DPM2: variants seen among roughly 807,000 people sequenced by gnomAD.
DPM2 encodes the protein dolichol phosphate-mannose biosynthesis regulatory protein.
In DPM2, 8 loss-of-function variants were observed where a neutral mutation model predicts 12.1. That is an observed-to-expected ratio of 0.66 (90% CI 0.39 to 1.19). DPM2 has a LOEUF of 1.19. DPM2 is among the 50% of genes most tolerant of loss of function. The probability of loss-of-function intolerance (pLI) is 0.01; values close to 1 mark genes in which losing one functional copy is unlikely to be tolerated. For synonymous variants in DPM2, 38 were observed against 44.7 expected, an observed-to-expected ratio of 0.85 and a Z score of 0.60; for missense variants, 93 against 102.5, an observed-to-expected ratio of 0.91 and a Z score of 0.40.
At chr9:127,936,251 G>A in intron 3 of DPM2, 1 of 1,422,500 alleles carries the variant, frequency 7.0e-7, no homozygotes, top group Non-Finnish European at 9.2e-7. Context: ...TCCCTAGGAA[G>A]CCATGAGAGA....
intron 2 of DPM2, 49 bp downstream of exon 2, chr9:127,937,385 G>A (rs758653718): frequency 2.0e-6 from 3 of 1,471,198 alleles, no homozygotes; most frequent in Admixed American, 1.8e-5. Context: ...TTGCTCTGGC[G>A]GTGCCAGGGC....
intron 1 of DPM2, 131 bp downstream of exon 1, chr9:127,937,687 G>T: frequency 7.6e-7 from 1 of 1,317,664 alleles, no homozygotes; most frequent in Middle Eastern, 1.8e-4. Context: ...CTAGGCCTCC[G>T]CGTTGTCGTC....
chr9:127,936,067 T>C, intron 3 of DPM2: 2 of 597,538 alleles, frequency 3.3e-6, no homozygotes, highest in South Asian at 4.2e-5. Flanking sequence ...CAACCACTTG[T>C]CTGTCCACCT....
chr9:127,936,715 A>G, intron 2 of DPM2, 60 bp from the exon 3 acceptor site: 1 of 1,401,432 alleles, frequency 7.1e-7, no homozygotes, highest in Non-Finnish European at 9.3e-7. Context: ...CCCAAGCCCA[A>G]ACGTCCCACC....
rs1375188716 is a variant in DPM2, at chr9:127,937,257, A to C, written c.93+177T>G. On this transcript the variant is annotated intron_variant, in intron 2 of 3. Coordinates refer to ENST00000314392, the MANE Select transcript of DPM2 (RefSeq NM_003863.4). ...GGCCAGATCCTTCTCCCCTAGCCTC[A>C]GCTATCTCATCTATAAAATGCGGTA... is the stretch of plus-strand genomic sequence containing the variant. 7.4e-6 allele frequency: 4 copies of C among 537,664 alleles called. No homozygotes were observed. The South Asian group carries it at 1.1e-4, about 15-fold the overall frequency. 33.3% of individuals were successfully genotyped at this position (537,664 alleles called of 1,614,324 possible). A position where few individuals can be genotyped will look rare whatever the true frequency, so the allele number is the denominator to read the frequency against.
At chr9:127,936,256 G>C in intron 3 of DPM2, 1 of 1,412,064 alleles carries the variant, frequency 7.1e-7, no homozygotes, top group Non-Finnish European at 9.3e-7. Context: ...AGGAAGCCAT[G>C]AGAGAGAGAG....
rs888225633 is a variant in DPM2, at chr9:127,937,367, T to G, written c.93+67A>C. 18 of 1,242,982 alleles carry G rather than the reference T, an allele frequency of 1.4e-5. No homozygotes were observed. In the Admixed American group the frequency reaches 2.1e-4, roughly 15 times the overall value. 77.0% of individuals were successfully genotyped at this position (1,242,982 alleles called of 1,614,324 possible). A position where few individuals can be genotyped will look rare whatever the true frequency, so the allele number is the denominator to read the frequency against. ...AAGCCAGCGCCGTGCCTAGAGCCTATATAGTAGTTGCTCTGGCGGTGCCAG... is the reference window on the plus strand; with the variant it reads ...AAGCCAGCGCCGTGCCTAGAGCCTAGATAGTAGTTGCTCTGGCGGTGCCAG... On this transcript the variant is annotated intron_variant, in intron 2 of 3. Transcript: ENST00000314392.
rs368292094 is a variant in DPM2 at position 127,935,170 on chromosome 9, G to A, written c.*552C>T. ...CCTGGGGCTTTGGGGCTGGGCCTCC[G>A]TGAGGAGAGGTCAGTCGGTCAGCGG... On this transcript the variant is annotated 3_prime_UTR_variant, in exon 4 of 4. Transcript: ENST00000314392. 9 of 169,120 alleles carry A rather than the reference G, an allele frequency of 5.3e-5. No individual in the cohort carries two copies. Among genetic ancestry groups the A allele is most frequent in the Admixed American group, 3.8e-4 (6 of 15,952 alleles). 10.5% of individuals were successfully genotyped at this position (169,120 alleles called of 1,614,324 possible). A position where few individuals can be genotyped will look rare whatever the true frequency, so the allele number is the denominator to read the frequency against.
Position 127,935,769 on chromosome 9 carries a change from A to T in DPM2, c.208T>A (p.Ser70Thr). 1 of 1,613,186 alleles carries T rather than the reference A, an allele frequency of 6.2e-7. No individual in the cohort carries two copies. The highest frequency in any genetic ancestry group is 8.5e-7 in the Non-Finnish European group (1 of 1,179,190). Residue 70 changes from serine to threonine, a missense_variant, in exon 4 of 4, where the codon TCC becomes ACC. Ser to Thr is a moderately conservative substitution (Grantham distance 58, BLOSUM62 1). Transcript: ENST00000314392. ...LLLLFVGLFI[S>T]YVMLKTKRVT... ...CTCTTGGTCTTCAGCATCACATAGGAGATGAACAGTCCTGGGATACACAGA... is the reference window on the plus strand; with the variant it reads ...CTCTTGGTCTTCAGCATCACATAGGTGATGAACAGTCCTGGGATACACAGA...
chr9:127,937,579 T>C (rs1235170497), intron 1 of DPM2, 56 bp from the exon 2 acceptor site: 3 of 1,478,298 alleles, frequency 2.0e-6, no homozygotes, highest in African/African-American at 1.4e-5. Context: ...GGCGCACTAA[T>C]GGAAGCGGGG....
intron 3 of DPM2, 37 bp downstream of exon 3, chr9:127,936,516 C>A (rs1367034793): frequency 1.2e-6 from 2 of 1,603,914 alleles, no homozygotes; most frequent in East Asian, 2.3e-5. Context: ...CTTCCCGAAA[C>A]CCTGCCCAGG....
intron 3 of DPM2, chr9:127,936,297 G>C: frequency 2.8e-6 from 4 of 1,449,892 alleles, no homozygotes; most frequent in Non-Finnish European, 3.6e-6. Flanking sequence ...GGTGACAAGA[G>C]GGTGACTGAG....
intron 3 of DPM2, 155 bp downstream of exon 3, chr9:127,936,398 G>C (rs1429013758): frequency 6.4e-7 from 1 of 1,565,394 alleles, no homozygotes; most frequent in Admixed American, 1.9e-5. Context: ...AAACCCAGAG[G>C]TTACTGACTG....
Position 127,937,835 on chromosome 9 carries a change from A to C in DPM2, c.-15T>G. ...AATCTCACCATTTCCCCGCGCGCTC[A>C]GCCACCCGAGCCGCAAGCCACATCC... On this transcript the variant is annotated 5_prime_UTR_variant, in exon 1 of 4. Transcript: ENST00000314392. 1 of 1,590,146 alleles carries C rather than the reference A, an allele frequency of 6.3e-7. No individual in the cohort carries two copies. Among genetic ancestry groups the C allele is most frequent in the South Asian group, 1.2e-5 (1 of 86,514 alleles).
At chr9:127,937,371 G>A in intron 2 of DPM2, 63 bp downstream of exon 2, 1 of 1,297,684 alleles carries the variant, frequency 7.7e-7, no homozygotes. Context: ...AGCCTATATA[G>A]TAGTTGCTCT....
Position 127,935,413 on chromosome 9 carries a change from G to A in DPM2, c.*309C>T, listed in dbSNP as rs1459270374. 9 of 471,174 alleles carry A rather than the reference G, an allele frequency of 1.9e-5. No individual in the cohort carries two copies. The highest frequency in any genetic ancestry group is 5.9e-5 in the African/African-American group (3 of 50,926). The allele number at this position is 471,174 out of a possible 1,614,324, so 29.2% of individuals were successfully genotyped here. A position where few individuals can be genotyped will look rare whatever the true frequency, so the allele number is the denominator to read the frequency against. ...GACAGGAGGGGAAGTGAGGCAAGAC[G>A]GCAGAACCCAGGGGAAAAGGTGGCA... On this transcript the variant is annotated 3_prime_UTR_variant, in exon 4 of 4. Coordinates refer to ENST00000314392, the MANE Select transcript of DPM2 (RefSeq NM_003863.4).
chr9:127,937,811 A>C lies in DPM2; in HGVS notation c.3+7T>G, dbSNP rs1409835610. On this transcript the variant is annotated splice_region_variant and intron_variant, in intron 1 of 3. Transcript: ENST00000314392. ...CCCCTATCTCCGGCACACGGTGCCAATCTCACCATTTCCCCGCGCGCTCAG... is the reference window on the plus strand; with the variant it reads ...CCCCTATCTCCGGCACACGGTGCCACTCTCACCATTTCCCCGCGCGCTCAG... The C allele has an allele frequency of 6.2e-7, 1 of 1,608,862 alleles. No homozygotes were observed. The highest frequency in any genetic ancestry group is 8.5e-7 in the Non-Finnish European group (1 of 1,177,300).
rs1831494117 is a variant in DPM2 at position 127,935,738 on chromosome 9, G to A, written c.239C>T (p.Thr80Ile). ...SYVMLKTKRV[T>I]KKAQ ...GCGGGACCTTCACTGAGCCTTCTTG[G>A]TCACTCTCTTGGTCTTCAGCATCAC... The change falls in exon 4 of 4, where the codon ACC becomes ATC. Residue 80 changes from threonine to isoleucine, a missense_variant. Thr to Ile is a moderately conservative substitution (Grantham distance 89, BLOSUM62 -1). Transcript: ENST00000314392. 2 of 1,613,096 alleles carry A rather than the reference G, an allele frequency of 1.2e-6. No homozygotes were observed. The highest frequency in any genetic ancestry group is 1.7e-6 in the Non-Finnish European group (2 of 1,179,232).
intron 1 of DPM2, 77 bp from the exon 2 acceptor site, chr9:127,937,600 C>G: frequency 1.5e-6 from 2 of 1,340,520 alleles, no homozygotes; most frequent in Non-Finnish European, 2.1e-6. Context: ...CGTCGCGGCC[C>G]GATCACGGTC....
Sources: allele counts gnomAD v4.1 joint callset, GRCh38; gene constraint gnomAD v4.1.1; transcripts MANE v1.5; gene names NCBI Gene and HGNC (gene_info 2026-07-23, HGNC 2026-07-21).